Variants in ITGB8 observed in about 807,000 individuals in gnomAD.
The protein encoded by ITGB8 is integrin beta-8.
ITGB8 carries 30 observed loss-of-function variants against 89.5 expected under a neutral mutation model. The observed-to-expected ratio is 0.34, with a 90% CI of 0.25 to 0.45. The LOEUF (loss-of-function observed/expected upper bound fraction) is 0.45. Among genes scored for constraint, ITGB8 ranks in the 20% least tolerant of loss-of-function variants. The pLI is 1.00. For missense variants in ITGB8, 836 were observed against 933.3 expected (o/e 0.90, Z 1.36); for synonymous variants, 335 against 320.4 (o/e 1.05, Z -0.49).
At chr7:20,363,008 A>G (rs1394032332) in intron 1 of ITGB8, among the ~76,000 whole-genome samples, 1 of 152,234 alleles carries the variant, frequency 6.6e-6, no homozygotes, top group Non-Finnish European at 1.5e-5. Flanking sequence ...AAATTAAATT[A>G]ACTAAAACAA....
At position 20,395,365 on chromosome 7, in the gene ITGB8, C is replaced by A. The variant is rs185688098; in HGVS notation, c.1146+380C>A. Among the ~76,000 whole-genome samples, 189 of 152,330 alleles carry A rather than the reference C, an allele frequency of 1.2e-3. 3 individuals are homozygous for A. The highest frequency in any genetic ancestry group is 3.2e-4 in the Non-Finnish European group (22 of 68,036). On this transcript the variant is annotated intron_variant, in intron 8 of 13. Transcript: ENST00000222573. ...GTCCACAGTTACGTAAGGCAATAAT[C>A]TGCCAGGGCAGTTAAACTATCTGGG...
chr7:20,355,057 G>A (rs1258152135), intron 1 of ITGB8, among the ~76,000 whole-genome samples: 1 of 152,138 alleles, frequency 6.6e-6, no homozygotes, highest in African/African-American at 2.4e-5. Flanking sequence ...CTGCATTCTG[G>A]CCGTTTATGG....
intron 1 of ITGB8, among the ~76,000 whole-genome samples, chr7:20,350,100 C>G (rs544469121): frequency 6.6e-6 from 1 of 152,206 alleles, no homozygotes; most frequent in South Asian, 2.1e-4. Context: ...TTTGGTGCCC[C>G]TTTTTTAAAA....
chr7:20,386,385 C>T (rs1273167434), intron 6 of ITGB8, among the ~76,000 whole-genome samples: 4 of 146,988 alleles, frequency 2.7e-5, no homozygotes, highest in Admixed American at 6.8e-5. Flanking sequence ...ACTACAGGCG[C>T]GTGCCACCAC....
chr7:20,341,967 C>G (rs146211208), intron 1 of ITGB8, among the ~76,000 whole-genome samples: 54 of 152,000 alleles, frequency 3.6e-4, no homozygotes, highest in African/African-American at 1.2e-3. Context: ...CCAGAACGAT[C>G]ATTGGATGTT....
intron 3 of ITGB8, among the ~76,000 whole-genome samples, chr7:20,373,472 GA>G (rs1170386609): frequency 6.6e-6 from 1 of 152,112 alleles, no homozygotes; most frequent in Non-Finnish European, 1.5e-5. Context: ...ATTAACTTAA[GA>G]AAATGTTTCA....
rs752582075 is a variant in ITGB8 at position 20,409,732 on chromosome 7, A to G, written c.2141A>G (p.Asn714Ser). 6.2e-7 allele frequency: 1 copy of G among 1,612,550 alleles called. No individual in the cohort carries two copies. Among genetic ancestry groups the G allele is most frequent in the East Asian group, 2.2e-5 (1 of 44,802 alleles). ...IRQVILQWNS[N>S]KIKSSSDYRV... ...CAGGTGATACTACAATGGAATAGTAATAAAATTAAGTCCTCATCAGATTAC... is the reference window on the plus strand; with the variant it reads ...CAGGTGATACTACAATGGAATAGTAGTAAAATTAAGTCCTCATCAGATTAC... The change falls in exon 13 of 14, where the codon AAT becomes AGT. Residue 714 changes from asparagine to serine, a missense_variant. Asn to Ser is a conservative substitution (Grantham distance 46, BLOSUM62 1). This residue lies in a region of ITGB8 where 422 missense variants were observed against 416.9 expected (regional missense o/e 1.01). Transcript: ENST00000222573.
chr7:20,355,951 T>G (rs1171072550), intron 1 of ITGB8, among the ~76,000 whole-genome samples: 1 of 152,232 alleles, frequency 6.6e-6, no homozygotes, highest in African/African-American at 2.4e-5. Flanking sequence ...GACATCTGCT[T>G]CTTTGTCTAT....
At chr7:20,348,626 T>A (rs10232213) in intron 1 of ITGB8, among the ~76,000 whole-genome samples, 80,389 of 151,942 alleles carry the variant, frequency 0.53, 21,926 homozygotes, top group South Asian at 0.69. Context: ...GGTAGTGAGG[T>A]GTTGGGGGTG....
intron 7 of ITGB8, among the ~76,000 whole-genome samples, chr7:20,392,351 T>C (rs1285830389): frequency 6.6e-6 from 1 of 152,154 alleles, no homozygotes; most frequent in African/African-American, 2.4e-5. Context: ...CTACTTATTT[T>C]TAAAAACTGC....
Position 20,395,724 on chromosome 7 carries a change from C to A in ITGB8, c.1146+739C>A, listed in dbSNP as rs1444781819. 3.3e-5 allele frequency among the ~76,000 whole-genome samples: 5 copies of A among 152,314 alleles called. No individual in the cohort carries two copies. In the East Asian group the frequency reaches 9.7e-4, roughly 29 times the overall value. ...TACATGACCTCATTCAGTCCTCACA[C>A]CTGACCTATAAAGCAGGTGGTTAGT... On this transcript the variant is annotated intron_variant, in intron 8 of 13. Transcript: ENST00000222573.
rs1054962539 is a variant in ITGB8 at position 20,370,994 on chromosome 7, T to G, written c.388+3808T>G. Among the ~76,000 whole-genome samples, 30 of 152,294 alleles carry G rather than the reference T, an allele frequency of 2.0e-4. No individual in the cohort carries two copies. The South Asian group carries it at 2.5e-3, about 13-fold the overall frequency. Reference sequence around the variant, plus strand: ...TAGTATAACCCTATTATCAAATTCTTAATAAAATTTTAGCAAATCAAATTA... The same window carrying G: ...TAGTATAACCCTATTATCAAATTCTGAATAAAATTTTAGCAAATCAAATTA... On this transcript the variant is annotated intron_variant, in intron 3 of 13. Transcript: ENST00000222573.
chr7:20,331,824 G>C lies in ITGB8; in HGVS notation c.18G>C (p.Leu6=). 1 of 1,613,278 alleles carries C rather than the reference G, an allele frequency of 6.2e-7. No homozygotes were observed. The highest frequency in any genetic ancestry group is 8.5e-7 in the Non-Finnish European group (1 of 1,180,036). The change falls in exon 1 of 14, where the codon CTG becomes CTC. Residue 6 remains leucine, a synonymous_variant. Transcript: ENST00000222573. MCGSA[L]AFFTAAFVCL... ...TTTGCATTATGTGCGGCTCGGCCCTGGCTTTTTTTACCGCTGCATTTGTCT... is the reference window on the plus strand; with the variant it reads ...TTTGCATTATGTGCGGCTCGGCCCTCGCTTTTTTTACCGCTGCATTTGTCT...
intron 11 of ITGB8, among the ~76,000 whole-genome samples, chr7:20,405,509 G>A (rs1193421568): frequency 1.3e-4 from 19 of 150,124 alleles, no homozygotes; most frequent in South Asian, 1.1e-3. Context: ...TAGTAGAGAC[G>A]GGGTTTCACC....
intron 9 of ITGB8, 45 bp from the exon 10 acceptor site, chr7:20,401,676 T>C (rs935393393): frequency 1.7e-6 from 2 of 1,165,700 alleles, no homozygotes; most frequent in Non-Finnish European, 2.4e-6. Context: ...GTAATAAAAA[T>C]AATTAAGGTA....
chr7:20,409,353 T>A lies in ITGB8; in HGVS notation c.2024-262T>A, dbSNP rs545058997. Among the ~76,000 whole-genome samples, 23 of 152,372 alleles carry A rather than the reference T, an allele frequency of 1.5e-4. No individual in the cohort carries two copies. In the East Asian group the frequency reaches 2.1e-3, roughly 14 times the overall value. On this transcript the variant is annotated intron_variant, in intron 12 of 13. Transcript: ENST00000222573. ...ATACAATTAAAGAATCAAGCTGCAA[T>A]GGAATAATGTGATTGAATACCTTAA...
intron 1 of ITGB8, among the ~76,000 whole-genome samples, chr7:20,337,880 A>G (rs7799420): frequency 0.94 from 143,095 of 152,272 alleles, 67,327 homozygotes; most frequent in East Asian, 0.99. Context: ...ACAGCCTCAG[A>G]CTACTTTTAT....
Position 20,331,868 on chromosome 7 carries a change from G to T in ITGB8, c.62G>T (p.Arg21Leu), listed in dbSNP as rs1166654295. ...AAFVCLQNDR[R>L]GPASFLWAAW... ...TTTGTCTGCCTGCAAAACGACCGGC[G>T]AGGTCCCGCCTCGTTCCTCTGGGCA... is the stretch of plus-strand genomic sequence containing the variant. Residue 21 changes from arginine (R) to leucine (L), a missense_variant, in exon 1 of 14, where the codon CGA becomes CTA. Arg to Leu is a moderately radical substitution (Grantham distance 102). This residue lies in a region of ITGB8 where 182 missense variants were observed against 177.0 expected (regional missense o/e 1.03). Coordinates refer to ENST00000222573, the MANE Select transcript of ITGB8 (RefSeq NM_002214.3). 1.2e-6 allele frequency: 2 copies of T among 1,613,986 alleles called. No homozygotes were observed. The highest frequency in any genetic ancestry group is 1.3e-5 in the African/African-American group (1 of 74,940).
At position 20,411,699 on chromosome 7, in the gene ITGB8, A is replaced by G. The variant is rs1035517879; in HGVS notation, c.*1702A>G. The G allele has an allele frequency of 1.3e-5, 2 of 152,628 alleles. No homozygotes were observed. The highest frequency in any genetic ancestry group is 2.9e-5 in the Non-Finnish European group (2 of 68,038). The allele number at this position is 152,628 out of a possible 1,614,324, so 9.5% of individuals were successfully genotyped here. On this transcript the variant is annotated 3_prime_UTR_variant, in exon 14 of 14. Transcript: ENST00000222573. ...ATGAGGAAAGTTCAAAGCAAAATAG[A>G]AAGGAATAATTCAAACTGAATTGTC...
Sources: allele counts gnomAD v4.1 joint callset (sites outside exome capture counted in the v4.1 genomes callset), GRCh38; gene constraint gnomAD v4.1.1; regional missense constraint gnomAD v4.1.1; transcripts MANE v1.5; gene names NCBI Gene and HGNC (gene_info 2026-07-23, HGNC 2026-07-21).